The following NKAIN3 variants were observed in gnomAD, a reference collection of about 807,000 sequenced individuals.
NKAIN3 encodes the protein sodium/potassium-transporting ATPase subunit beta-1-interacting protein 3.
In NKAIN3, 25 loss-of-function variants were observed where a neutral mutation model predicts 30.2. That is an observed-to-expected ratio of 0.83 (90% CI 0.60 to 1.16). NKAIN3 has a LOEUF of 1.16. Among genes scored for constraint, NKAIN3 ranks in the 50% most tolerant of loss-of-function variants. NKAIN3 has a pLI of 0.00. For missense variants in NKAIN3, 225 were observed against 254.1 expected (o/e 0.89, Z 0.78); for synonymous variants, 91 against 89.6 (o/e 1.02, Z -0.09).
chr8:62,282,553 GT>G (rs1813241341), intron 1 of NKAIN3, among the ~76,000 whole-genome samples: 2 of 152,150 alleles, frequency 1.3e-5, no homozygotes, highest in Non-Finnish European at 2.9e-5. Context: ...AAAAGGATTT[GT>G]TGACTGATGG....
At chr8:62,652,020 A>G (rs1812636708) in intron 3 of NKAIN3, among the ~76,000 whole-genome samples, 1 of 152,156 alleles carries the variant, frequency 6.6e-6, no homozygotes, top group Non-Finnish European at 1.5e-5. Context: ...CTCAGGTCAT[A>G]GCAACACAAG....
chr8:62,855,395 A>T, intron 4 of NKAIN3: 2 of 837,996 alleles, frequency 2.4e-6, no homozygotes, highest in East Asian at 4.9e-5. Flanking sequence ...GAAATTGCCC[A>T]GCATGCCCTT....
intron 4 of NKAIN3, chr8:62,855,755 A>G: frequency 3.0e-6 from 4 of 1,326,458 alleles, no homozygotes; most frequent in South Asian, 1.2e-5. Flanking sequence ...TGGAGTTGCC[A>G]TGACTTTCAG....
chr8:62,520,726 G>A lies in NKAIN3; in HGVS notation c.55-58813G>A, dbSNP rs1005415087. 5.3e-5 allele frequency among the ~76,000 whole-genome samples: 8 copies of A among 152,112 alleles called. No homozygotes were observed. The East Asian group carries it at 5.8e-4, about 11-fold the overall frequency. On this transcript the variant is annotated intron_variant, in intron 1 of 6. Transcript: ENST00000623646. ...TTCTCAGTCACACTGGCCTCATTTC[G>A]AGTATACAGGTGGCTAGTGGCTCCC...
chr8:62,386,466 A>G (rs971991885), intron 1 of NKAIN3, among the ~76,000 whole-genome samples: 2 of 152,224 alleles, frequency 1.3e-5, no homozygotes, highest in African/African-American at 4.8e-5. Context: ...ACTCTTCCCT[A>G]TAGGAATACT....
chr8:62,499,641 A>G (rs1163316607), intron 1 of NKAIN3, among the ~76,000 whole-genome samples: 2 of 152,202 alleles, frequency 1.3e-5, no homozygotes, highest in Non-Finnish European at 2.9e-5. Flanking sequence ...GTCATTGTAA[A>G]TAGGTGCTTT....
intron 1 of NKAIN3, among the ~76,000 whole-genome samples, chr8:62,554,574 C>G (rs756861018): frequency 3.3e-5 from 5 of 152,148 alleles, no homozygotes; most frequent in Non-Finnish European, 5.9e-5. Flanking sequence ...ACTAAATTCA[C>G]ATCACTTGAA....
chr8:62,958,848 AAAG>A (rs1823492332), intron 6 of NKAIN3, among the ~76,000 whole-genome samples: 2 of 152,198 alleles, frequency 1.3e-5, no homozygotes, highest in African/African-American at 4.8e-5. Flanking sequence ...GCAGTTTATC[AAAG>A]AAGGACAGCA....
intron 1 of NKAIN3, among the ~76,000 whole-genome samples, chr8:62,515,175 A>C (rs1037642194): frequency 2.0e-5 from 3 of 152,176 alleles, no homozygotes; most frequent in Admixed American, 2.0e-4. Context: ...AGAAAAGAAA[A>C]TTGTGCTAAA....
At chr8:62,617,236 C>G (rs569440954) in intron 3 of NKAIN3, among the ~76,000 whole-genome samples, 1 of 152,108 alleles carries the variant, frequency 6.6e-6, no homozygotes, top group Non-Finnish European at 1.5e-5. Context: ...TATAGCAATG[C>G]AAGAATGGCC....
At chr8:62,536,269 G>A (rs1314927721) in intron 1 of NKAIN3, among the ~76,000 whole-genome samples, 5 of 151,976 alleles carry the variant, frequency 3.3e-5, no homozygotes, top group African/African-American at 9.7e-5. Flanking sequence ...AAAGCAATGC[G>A]GGCAAGCTCC....
chr8:62,408,911 C>A (rs2129595723), intron 1 of NKAIN3, among the ~76,000 whole-genome samples: 1 of 152,218 alleles, frequency 6.6e-6, no homozygotes, highest in East Asian at 1.9e-4. Context: ...GTTAGAGAAA[C>A]TGGGAGATGT....
chr8:62,688,721 CACAGACAG>C lies in NKAIN3; in HGVS notation c.274-58195_274-58188del, dbSNP rs541712425. Among the ~76,000 whole-genome samples the C allele has an allele frequency of 2.4e-3, 363 of 150,664 alleles. 1 individual carries two copies. The highest frequency in any genetic ancestry group is 7.8e-3 in the African/African-American group (316 of 40,600). On this transcript the variant is annotated intron_variant, in intron 3 of 6. Coordinates refer to ENST00000623646, the MANE Select transcript of NKAIN3 (RefSeq NM_001304533.3). ...ATCTATTTTCAATCTCACACATAGA[CACAGACAG>C]ACAGACAGACAGACACACACACACA... is the stretch of plus-strand genomic sequence containing the variant.
intron 4 of NKAIN3, among the ~76,000 whole-genome samples, chr8:62,821,625 C>T (rs1219772401): frequency 1.3e-5 from 2 of 152,014 alleles, no homozygotes; most frequent in Non-Finnish European, 2.9e-5. Flanking sequence ...AAATCATATA[C>T]TGAAAGTAGA....
Position 62,477,144 on chromosome 8 carries a change from G to A in NKAIN3, c.55-102395G>A, listed in dbSNP as rs117613732. On this transcript the variant is annotated intron_variant, in intron 1 of 6. Coordinates refer to ENST00000623646, the MANE Select transcript of NKAIN3 (RefSeq NM_001304533.3). ...AGGAAACAGCTGGTGAAATGTTAGC[G>A]TATCAATCATGTGTGGAAACACACA... Among the ~76,000 whole-genome samples the A allele has an allele frequency of 3.9e-5, 6 of 152,282 alleles. No homozygotes were observed. In the East Asian group the frequency reaches 5.8e-4, roughly 15 times the overall value.
intron 6 of NKAIN3, among the ~76,000 whole-genome samples, chr8:62,961,427 T>A (rs1823567238): frequency 6.6e-6 from 1 of 151,520 alleles, no homozygotes; most frequent in African/African-American, 2.4e-5. Flanking sequence ...AATAGTTAAA[T>A]CTCACCACAA....
In NKAIN3 at chr8:62,391,490, AG is replaced by A. The variant is rs557092752; in HGVS notation, c.54+142364del. ...ACTGGGAAATAGAAAAATAGATAAA[AG>A]ATGAGAACTAGAGAAAAAGGCAGCA... On this transcript the variant is annotated intron_variant, in intron 1 of 6. Transcript: ENST00000623646. Among the ~76,000 whole-genome samples the A allele has an allele frequency of 3.9e-3, 600 of 152,242 alleles. 4 individuals carry two copies. The highest frequency in any genetic ancestry group is 0.014 in the African/African-American group (584 of 41,566).
chr8:62,985,417 T>C (rs545830271), downstream of NKAIN3, among the ~76,000 whole-genome samples: 49 of 152,274 alleles, frequency 3.2e-4, 1 homozygote, highest in African/African-American at 1.2e-3. Flanking sequence ...CACAGGCTGG[T>C]CTCCATCAGA....
chr8:62,746,222 T>G (rs1816064242), intron 3 of NKAIN3, among the ~76,000 whole-genome samples: 1 of 152,188 alleles, frequency 6.6e-6, no homozygotes, highest in African/African-American at 2.4e-5. Flanking sequence ...AGTCTCTGCT[T>G]CTATGGTCAC....
Sources: gnomAD v4.1 joint callset for allele counts (sites outside exome capture counted in the v4.1 genomes callset) on GRCh38, gnomAD v4.1.1 for gene constraint, MANE v1.5 for transcripts, NCBI Gene and HGNC (gene_info 2026-07-23, HGNC 2026-07-21) for gene names.